MYMK: variants seen among roughly 807,000 people sequenced by gnomAD.
MYMK encodes the protein protein myomaker.
Under a neutral mutation model 22.4 loss-of-function variants are expected in MYMK, and 16 were observed. That is an observed-to-expected ratio of 0.72 (90% CI 0.48 to 1.09). The LOEUF (loss-of-function observed/expected upper bound fraction) is 1.09. Among genes scored for constraint, MYMK ranks in the 50% least tolerant of loss-of-function variants. The pLI, the probability that MYMK is intolerant of heterozygous loss-of-function variation, is 0.00. For missense variants in MYMK, 250 were observed against 295.6 expected (o/e 0.85, Z 1.13); for synonymous variants, 125 against 127.0 (o/e 0.98, Z 0.11).
At chr9:133,518,294 G>T (rs954239715) in intron 3 of MYMK, among the ~76,000 whole-genome samples, 2 of 152,178 alleles carry the variant, frequency 1.3e-5, no homozygotes, top group Admixed American at 6.5e-5. Flanking sequence ...TTGCTGCTCT[G>T]CAAGGGGCTG....
Position 133,515,632 on chromosome 9 carries a change from A to C in MYMK, c.400-25T>G. 1 of 1,531,456 alleles carries C rather than the reference A, an allele frequency of 6.5e-7. No homozygotes were observed. The highest frequency in any genetic ancestry group is 9.0e-7 in the Non-Finnish European group (1 of 1,105,068). 94.9% of individuals were successfully genotyped at this position (1,531,456 alleles called of 1,614,324 possible). A position where few individuals can be genotyped will look rare whatever the true frequency, so the allele number is the denominator to read the frequency against. ...GCTGTGAGGACAGGAGGCCACAGCA[A>C]AGCTTTTAGGTCACAGCACTGGGGA... On this transcript the variant is annotated intron_variant, in intron 3 of 4. Transcript: ENST00000339996. This position sits in a 1 kb window ranked among gnomAD's most constrained non-coding sequence, Gnocchi z 5.8.
At chr9:133,516,623 T>G (rs1347403330) in intron 3 of MYMK, among the ~76,000 whole-genome samples, 1 of 152,204 alleles carries the variant, frequency 6.6e-6, no homozygotes, top group Non-Finnish European at 1.5e-5. Flanking sequence ...CGGCTTTCCA[T>G]TTTCTGGAAT....
chr9:133,523,485 A>G (rs1344950407), intron 1 of MYMK, among the ~76,000 whole-genome samples: 1 of 152,174 alleles, frequency 6.6e-6, no homozygotes, highest in Non-Finnish European at 1.5e-5. Flanking sequence ...AAGGTGAGCA[A>G]GGAAGGCTTC....
At chr9:133,523,959 A>AAGACAGGGG (rs1844733509) in intron 1 of MYMK, among the ~76,000 whole-genome samples, 1 of 152,006 alleles carries the variant, frequency 6.6e-6, no homozygotes, top group African/African-American at 2.4e-5. Context: ...AGAGAGAGAG[A>AAGACAGGGG]AGACAGGGGA....
chr9:133,517,152 G>A (rs1042431688), intron 3 of MYMK, among the ~76,000 whole-genome samples: 2 of 152,178 alleles, frequency 1.3e-5, no homozygotes, highest in African/African-American at 4.8e-5. Flanking sequence ...AGACCAGCGG[G>A]AGGAGCAACC....
At chr9:133,523,285 T>A (rs1342903810) in intron 1 of MYMK, among the ~76,000 whole-genome samples, 1 of 152,242 alleles carries the variant, frequency 6.6e-6, no homozygotes, top group African/African-American at 2.4e-5. Flanking sequence ...CTCTGTGCAC[T>A]CACATGCACT....
At chr9:133,519,088 C>G (rs1322104793) in intron 2 of MYMK, 66 bp from the exon 3 acceptor site, 9 of 1,594,736 alleles carry the variant, frequency 5.6e-6, no homozygotes, top group Admixed American at 1.7e-5. Flanking sequence ...GCTACCCCCC[C>G]ACCCCCCAGC....
At chr9:133,523,580 A>G (rs13289928) in intron 1 of MYMK, among the ~76,000 whole-genome samples, 58,961 of 151,800 alleles carry the variant, frequency 0.39, 12,205 homozygotes, top group African/African-American at 0.51. Flanking sequence ...CCCAGAGGCA[A>G]GAAGGCAGGG....
chr9:133,520,355 C>T (rs1844688573), intron 1 of MYMK, 67 bp from the exon 2 acceptor site: 7 of 1,272,206 alleles, frequency 5.5e-6, no homozygotes, highest in Non-Finnish European at 4.5e-6. Flanking sequence ...CCACGGCCCC[C>T]AGAGTGCCAG....
intron 2 of MYMK, among the ~76,000 whole-genome samples, chr9:133,519,554 T>C (rs568512426): frequency 1.1e-4 from 16 of 152,294 alleles, no homozygotes; most frequent in Admixed American, 3.9e-4. Context: ...AGTGAGACCC[T>C]GTGGCTAAAA....
chr9:133,524,635 G>A (rs1844738121), intron 1 of MYMK, 75 bp downstream of exon 1: 4 of 1,605,398 alleles, frequency 2.5e-6, no homozygotes, highest in South Asian at 2.2e-5. Flanking sequence ...ATACAAGAAC[G>A]CTGTGGACAG....
Position 133,524,690 on chromosome 9 carries a change from C to T in MYMK, c.135+20G>A. 24 of 1,614,130 alleles carry T rather than the reference C, an allele frequency of 1.5e-5. No individual in the cohort carries two copies. The highest frequency in any genetic ancestry group is 1.9e-5 in the Non-Finnish European group (23 of 1,180,020). ...CAGGATGGGGCCTGTGTGGGACTTCCTCCCAGCCCCCAGACTCACCGCCAC... is the reference window on the plus strand; with the variant it reads ...CAGGATGGGGCCTGTGTGGGACTTCTTCCCAGCCCCCAGACTCACCGCCAC... On this transcript the variant is annotated intron_variant, in intron 1 of 4. Transcript: ENST00000339996.
intron 1 of MYMK, among the ~76,000 whole-genome samples, chr9:133,522,779 C>T (rs1844716143): frequency 6.6e-6 from 1 of 152,224 alleles, no homozygotes; most frequent in Admixed American, 6.5e-5. Flanking sequence ...TCTCATCTGC[C>T]CAAGAGGCTT....
intron 3 of MYMK, among the ~76,000 whole-genome samples, chr9:133,516,151 C>T (rs536174431): frequency 4.6e-5 from 7 of 152,358 alleles, no homozygotes; most frequent in South Asian, 2.1e-4. Context: ...GGAAGGCTCG[C>T]GTGGGCGTTT....
intron 1 of MYMK, among the ~76,000 whole-genome samples, chr9:133,521,038 G>A (rs1199158483): frequency 6.6e-6 from 1 of 152,108 alleles, no homozygotes; most frequent in African/African-American, 2.4e-5. Flanking sequence ...TAACGTGGAC[G>A]AAGATCTCTG....
chr9:133,520,738 A>G (rs535570735), intron 1 of MYMK, among the ~76,000 whole-genome samples: 42 of 152,196 alleles, frequency 2.8e-4, no homozygotes, highest in African/African-American at 9.9e-4. Flanking sequence ...GTGAGGTCAG[A>G]GCCTCTCTGG....
intron 3 of MYMK, among the ~76,000 whole-genome samples, chr9:133,517,431 T>G (rs996461129): frequency 6.6e-6 from 1 of 152,102 alleles, no homozygotes; most frequent in Non-Finnish European, 1.5e-5. Flanking sequence ...TTTGGGAGAC[T>G]GAGGCAGGCA....
intron 3 of MYMK, among the ~76,000 whole-genome samples, chr9:133,516,258 A>G (rs1844629646): frequency 6.6e-6 from 1 of 152,038 alleles, no homozygotes; most frequent in Admixed American, 6.5e-5. Context: ...CTTCACATGG[A>G]GTCTATTTGG....
chr9:133,516,919 C>T (rs1340175005), intron 3 of MYMK, among the ~76,000 whole-genome samples: 1 of 152,232 alleles, frequency 6.6e-6, no homozygotes, highest in Non-Finnish European at 1.5e-5. Context: ...CACCCTCATT[C>T]CAGGAAACAA....
Sources: allele counts gnomAD v4.1 joint callset (sites outside exome capture counted in the v4.1 genomes callset), GRCh38; gene constraint gnomAD v4.1.1; non-coding constraint Gnocchi (gnomAD v3.1); transcripts MANE v1.5; gene names NCBI Gene and HGNC (gene_info 2026-07-23, HGNC 2026-07-21).